SRCIN1: variants seen among roughly 807,000 people sequenced by gnomAD.
SRCIN1 encodes P130Cas-associated protein.
A neutral mutation model predicts 116.2 loss-of-function variants in SRCIN1; 50 were observed. That is an observed-to-expected ratio of 0.43 (90% confidence interval 0.34 to 0.54). SRCIN1 has a LOEUF of 0.54. Among genes scored for constraint, SRCIN1 ranks in the 20% least tolerant of loss-of-function variants. The probability of loss-of-function intolerance (pLI) is 0.02; values close to 1 mark genes in which losing one functional copy is unlikely to be tolerated. For missense variants in SRCIN1, 1,446 were observed against 1,672.0 expected (o/e 0.86, Z 2.36); for synonymous variants, 736 against 750.0 (o/e 0.98, Z 0.30).
Position 38,562,001 on chromosome 17 carries a change from C to T in SRCIN1, c.1162G>A (p.Val388Met). ...EDLASKAGGM[V>M]LVKGEGLYAD... The stretch of plus-strand genomic sequence containing the variant: ...TAGAGGCCCTCGCCTTTCACCAGCA[C>T]CATGCCGCCCGCCTTGCTCGCCAGG... The change falls in exon 7 of 19, where the codon GTG (valine) becomes ATG (methionine). Residue 388 changes from valine (V) to methionine (M), a missense_variant. Around this residue, in one of 5 missense-constraint regions of SRCIN1, gnomAD observed 239 missense variants for 317.7 expected, o/e 0.75. Coordinates refer to ENST00000617146, the MANE Select transcript of SRCIN1 (RefSeq NM_025248.3). The surrounding 1 kb of genome is among the most constrained non-coding windows in gnomAD (Gnocchi z 4.2). 6.7e-7 allele frequency: 1 copy of T among 1,494,666 alleles called. No individual in the cohort carries two copies. The highest frequency in any genetic ancestry group is 8.8e-7 in the Non-Finnish European group (1 of 1,130,168). 92.6% of individuals were successfully genotyped at this position (1,494,666 alleles called of 1,614,324 possible). A position where few individuals can be genotyped will look rare whatever the true frequency, so the allele number is the denominator to read the frequency against.
At chr17:38,549,627 C>A (rs1008894052) in intron 15 of SRCIN1, among the ~76,000 whole-genome samples, 1 of 152,212 alleles carries the variant, frequency 6.6e-6, no homozygotes, top group African/African-American at 2.4e-5. Flanking sequence ...CGGCTCAGCT[C>A]TCCATCTCTC....
At position 38,544,089 on chromosome 17, in the gene SRCIN1, G is replaced by A; in HGVS notation, c.3271-120C>T. The A allele has an allele frequency of 8.1e-7, 1 of 1,240,806 alleles. No homozygotes were observed. The highest frequency in any genetic ancestry group is 1.1e-6 in the Non-Finnish European group (1 of 918,906). The allele number at this position is 1,240,806 out of a possible 1,614,324, so 76.9% of individuals were successfully genotyped here. A position where few individuals can be genotyped will look rare whatever the true frequency, so the allele number is the denominator to read the frequency against. On this transcript the variant is annotated intron_variant, in intron 17 of 18. Transcript: ENST00000617146. The surrounding 1 kb of genome is among the most constrained non-coding windows in gnomAD (Gnocchi z 4.5). Reference sequence around the variant, plus strand: ...TCCTCAGTGGGGCCCTTTGAGACCTGGAGACCCCTCTCTAGCTCCACACCC... The same window carrying A: ...TCCTCAGTGGGGCCCTTTGAGACCTAGAGACCCCTCTCTAGCTCCACACCC...
At chr17:38,599,712 C>G (rs1908918359) in intron 1 of SRCIN1, among the ~76,000 whole-genome samples, 2 of 152,194 alleles carry the variant, frequency 1.3e-5, no homozygotes, top group African/African-American at 4.8e-5. Context: ...AGCCTCCACA[C>G]CCTTATGTTT....
At chr17:38,587,444 G>A (rs1049013118) in intron 1 of SRCIN1, among the ~76,000 whole-genome samples, 4 of 152,036 alleles carry the variant, frequency 2.6e-5, no homozygotes, top group South Asian at 2.1e-4. Flanking sequence ...CTCCTTACCC[G>A]TCCTGTGTCG....
chr17:38,583,482 G>A (rs1303264409), intron 1 of SRCIN1, among the ~76,000 whole-genome samples: 1 of 151,958 alleles, frequency 6.6e-6, no homozygotes, highest in Non-Finnish European at 1.5e-5. Context: ...CTGCCTTTGG[G>A]CACTAAGTGA....
At chr17:38,577,474 AG>A (rs1157076641) in intron 2 of SRCIN1, among the ~76,000 whole-genome samples, 2 of 152,230 alleles carry the variant, frequency 1.3e-5, no homozygotes, top group African/African-American at 4.8e-5. Flanking sequence ...TGTTCCCTGC[AG>A]TGAGGATGGG....
intron 1 of SRCIN1, among the ~76,000 whole-genome samples, chr17:38,590,381 C>T (rs1197168136): frequency 6.6e-6 from 1 of 152,236 alleles, no homozygotes; most frequent in East Asian, 1.9e-4. Flanking sequence ...GACTACAGGC[C>T]CGTGCCACCA....
chr17:38,563,691 G>A lies in SRCIN1; in HGVS notation c.542-170C>T. 1 of 973,274 alleles carries A rather than the reference G, an allele frequency of 1.0e-6. No homozygotes were observed. The highest frequency in any genetic ancestry group is 2.6e-5 in the East Asian group (1 of 38,404). The allele number at this position is 973,274 out of a possible 1,614,324, so 60.3% of individuals were successfully genotyped here. On this transcript the variant is annotated intron_variant, in intron 4 of 18. Transcript: ENST00000617146. The surrounding 1 kb of genome is among the most constrained non-coding windows in gnomAD (Gnocchi z 5.8). Reference sequence around the variant, plus strand: ...AGGCACCTCTCATGCTGCCGGCGGGGGCGCCAGGCCGGCTCTCCAGCCTCT... The same window carrying A: ...AGGCACCTCTCATGCTGCCGGCGGGAGCGCCAGGCCGGCTCTCCAGCCTCT...
chr17:38,555,328 C>T (rs1447450317), intron 11 of SRCIN1, among the ~76,000 whole-genome samples: 2 of 152,334 alleles, frequency 1.3e-5, no homozygotes, highest in South Asian at 2.1e-4. Context: ...TAAGGTCCTC[C>T]ATGCTCCTTT....
At chr17:38,550,365 G>T (rs887757056) in intron 15 of SRCIN1, among the ~76,000 whole-genome samples, 2 of 152,080 alleles carry the variant, frequency 1.3e-5, no homozygotes, top group Non-Finnish European at 2.9e-5. Flanking sequence ...CGTGGTGCAG[G>T]CGCCTGTAGT....
At chr17:38,547,787 C>A in intron 17 of SRCIN1, 1 of 269,052 alleles carries the variant, frequency 3.7e-6, no homozygotes, top group South Asian at 2.8e-5. Flanking sequence ...GGCTGAGCCC[C>A]CGGGGGGCCC....
At position 38,552,331 on chromosome 17, in the gene SRCIN1, G is replaced by A; in HGVS notation, c.2480+116C>T. On this transcript the variant is annotated intron_variant, in intron 13 of 18. Transcript: ENST00000617146. The surrounding 1 kb of genome is among the most constrained non-coding windows in gnomAD (Gnocchi z 5.3). ...GTCACAGGGCAGAGCTGAGGTGCCAGTCCAGTCGGCACGCCAGTGACCTTT... is the reference window on the plus strand; with the variant it reads ...GTCACAGGGCAGAGCTGAGGTGCCAATCCAGTCGGCACGCCAGTGACCTTT... 6.9e-7 allele frequency: 1 copy of A among 1,451,856 alleles called. No homozygotes were observed. Among genetic ancestry groups the A allele is most frequent in the Non-Finnish European group, 9.2e-7 (1 of 1,092,512 alleles). 89.9% of individuals were successfully genotyped at this position (1,451,856 alleles called of 1,614,324 possible). A position where few individuals can be genotyped will look rare whatever the true frequency, so the allele number is the denominator to read the frequency against.
intron 2 of SRCIN1, among the ~76,000 whole-genome samples, chr17:38,569,388 G>C (rs888405444): frequency 1.3e-5 from 2 of 152,228 alleles, no homozygotes; most frequent in Non-Finnish European, 2.9e-5. Context: ...AAGATCCCCA[G>C]GCCTTAGAGC....
At chr17:38,598,676 G>T (rs1908853161) in intron 1 of SRCIN1, among the ~76,000 whole-genome samples, 1 of 152,192 alleles carries the variant, frequency 6.6e-6, no homozygotes, top group African/African-American at 2.4e-5. Flanking sequence ...CCAGTCTTGG[G>T]TTACTCCACA....
chr17:38,589,595 C>T (rs757577420), intron 1 of SRCIN1, among the ~76,000 whole-genome samples: 29 of 152,280 alleles, frequency 1.9e-4, no homozygotes, highest in African/African-American at 1.9e-4. Context: ...GCCAATGGGG[C>T]GATGTTCATG....
chr17:38,543,388 G>A (rs1904870243), intron 18 of SRCIN1, among the ~76,000 whole-genome samples: 1 of 152,214 alleles, frequency 6.6e-6, no homozygotes, highest in South Asian at 2.1e-4. Context: ...GAGGGAGAGG[G>A]AAGCGGAGAG....
chr17:38,601,633 C>T (rs1330479248), intron 1 of SRCIN1, among the ~76,000 whole-genome samples: 1 of 112,050 alleles, frequency 8.9e-6, no homozygotes, highest in Admixed American at 9.3e-5. Flanking sequence ...CACATACACA[C>T]ACACGCACAC....
Position 38,532,171 on chromosome 17 carries a change from T to C in SRCIN1, c.*1126A>G, listed in dbSNP as rs568611416. On this transcript the variant is annotated 3_prime_UTR_variant, in exon 19 of 19. Transcript: ENST00000617146. This position sits in a 1 kb window ranked among gnomAD's most constrained non-coding sequence, Gnocchi z 4.3. ...CTCACCAGGGTCACCAGAGCCCCAT[T>C]GAAAAACTACGTCTCATCCTTTCCT... The C allele has an allele frequency of 1.3e-5, 2 of 152,310 alleles. No homozygotes were observed. The highest frequency in any genetic ancestry group is 1.9e-4 in the East Asian group (1 of 5,178). 9.4% of individuals were successfully genotyped at this position (152,310 alleles called of 1,614,324 possible). A position where few individuals can be genotyped will look rare whatever the true frequency, so the allele number is the denominator to read the frequency against.
chr17:38,544,097 C>A lies in SRCIN1; in HGVS notation c.3271-128G>T. The A allele has an allele frequency of 8.7e-7, 1 of 1,154,056 alleles. No homozygotes were observed. Among genetic ancestry groups the A allele is most frequent in the Non-Finnish European group, 1.2e-6 (1 of 842,902 alleles). The allele number at this position is 1,154,056 out of a possible 1,614,324, so 71.5% of individuals were successfully genotyped here. On this transcript the variant is annotated intron_variant, in intron 17 of 18. Coordinates refer to ENST00000617146, the MANE Select transcript of SRCIN1 (RefSeq NM_025248.3). This position sits in a 1 kb window ranked among gnomAD's most constrained non-coding sequence, Gnocchi z 4.5. Reference sequence around the variant, plus strand: ...GGGGCCCTTTGAGACCTGGAGACCCCTCTCTAGCTCCACACCCGAGTCCAG... The same window carrying A: ...GGGGCCCTTTGAGACCTGGAGACCCATCTCTAGCTCCACACCCGAGTCCAG...
Sources: allele counts gnomAD v4.1 joint callset (sites outside exome capture counted in the v4.1 genomes callset), GRCh38; gene constraint gnomAD v4.1.1; regional missense constraint gnomAD v4.1.1; non-coding constraint Gnocchi (gnomAD v3.1); transcripts MANE v1.5; gene names NCBI Gene and HGNC (gene_info 2026-07-23, HGNC 2026-07-21).